MYLK: variants seen among roughly 807,000 people sequenced by gnomAD.
The protein encoded by MYLK is myosin light chain kinase.
Under a neutral mutation model 203.4 loss-of-function variants are expected in MYLK, and 106 were observed. The observed-to-expected ratio is 0.52, with a 90% confidence interval of 0.45 to 0.61. The LOEUF is 0.61. Among genes scored for constraint, MYLK ranks in the 20% least tolerant of loss-of-function variants. The probability of loss-of-function intolerance (pLI) is 0.00; values close to 1 mark genes in which losing one functional copy is unlikely to be tolerated. For synonymous variants in MYLK, 867 were observed against 959.5 expected (o/e 0.90, Z 1.78); for missense variants, 2,072 against 2,442.3 (o/e 0.85, Z 3.20).
At chr3:123,727,709 A>T (rs1665925669) in intron 11 of MYLK, among the ~76,000 whole-genome samples, 1 of 152,118 alleles carries the variant, frequency 6.6e-6, no homozygotes, top group African/African-American at 2.4e-5. Context: ...TCTCAAGTGG[A>T]AGGAAGATTT....
intron 16 of MYLK, 103 bp downstream of exon 16, chr3:123,707,651 C>T (rs1469145406): frequency 3.8e-6 from 6 of 1,582,754 alleles, no homozygotes; most frequent in Admixed American, 1.7e-5. Context: ...AAGTCCAAGC[C>T]CCACATCAGT....
rs148659143 is a variant in MYLK, at chr3:123,663,270, A to G, written c.3985+835T>C. On this transcript the variant is annotated intron_variant, in intron 23 of 33. Coordinates refer to ENST00000360304, the MANE Select transcript of MYLK (RefSeq NM_053025.4). ...GAGAGGAAAAGTGAACTTGAGAATC[A>G]GTCTGGAGACAGACCCCACTCAATC... Among the ~76,000 whole-genome samples the G allele has an allele frequency of 1.6e-3, 245 of 152,294 alleles. 3 individuals are homozygous for G. The East Asian group carries it at 0.035, about 22-fold the overall frequency.
intron 6 of MYLK, among the ~76,000 whole-genome samples, chr3:123,739,356 C>A (rs1234110203): frequency 1.3e-5 from 2 of 152,230 alleles, no homozygotes; most frequent in Admixed American, 6.5e-5. Context: ...AGCCAGGAGA[C>A]CATGAGCAGA....
At chr3:123,724,436 T>C (rs1210082530) in intron 12 of MYLK, among the ~76,000 whole-genome samples, 2 of 152,180 alleles carry the variant, frequency 1.3e-5, no homozygotes, top group Non-Finnish European at 1.5e-5. Context: ...AACGCCCATA[T>C]TGCATTCCAG....
chr3:123,699,903 C>T (rs183909302), intron 18 of MYLK, 117 bp downstream of exon 18: 2 of 1,407,336 alleles, frequency 1.4e-6, no homozygotes, highest in African/African-American at 2.9e-5. Flanking sequence ...ACCTGCTAAA[C>T]CAGGTTAGCA....
intron 29 of MYLK, among the ~76,000 whole-genome samples, chr3:123,631,873 CTTT>C (rs11391919): frequency 7.1e-6 from 1 of 140,340 alleles, no homozygotes. Flanking sequence ...TCTCCTTTTT[CTTT>C]TTTTTTTTTT....
chr3:123,668,552 G>A (rs931540919), intron 20 of MYLK, among the ~76,000 whole-genome samples: 2 of 152,184 alleles, frequency 1.3e-5, no homozygotes, highest in Non-Finnish European at 2.9e-5. Flanking sequence ...GAAATGTTCT[G>A]TGGTGACAGA....
intron 2 of MYLK, among the ~76,000 whole-genome samples, chr3:123,851,879 GT>G (rs1319024790): frequency 5.3e-5 from 8 of 152,074 alleles, no homozygotes; most frequent in Non-Finnish European, 8.8e-5. Flanking sequence ...TTGGCTGTGG[GT>G]TTGTCATAAA....
intron 11 of MYLK, among the ~76,000 whole-genome samples, chr3:123,732,461 G>A (rs2062515385): frequency 6.6e-6 from 1 of 152,176 alleles, no homozygotes; most frequent in Admixed American, 6.5e-5. Flanking sequence ...GTTATATATT[G>A]TTTAAATTCC....
chr3:123,833,142 T>C lies in MYLK; in HGVS notation c.-126-1472A>G, dbSNP rs76098569. On this transcript the variant is annotated intron_variant, in intron 2 of 33. Coordinates refer to ENST00000360304, the MANE Select transcript of MYLK (RefSeq NM_053025.4). ...ACAGGAAGTGTCAGCAGAAAGTTCA[T>C]TTCAGGAATGCCAGCCTTGTCTGCA... 6.7e-3 allele frequency among the ~76,000 whole-genome samples: 1,027 copies of C among 152,182 alleles called. 10 individuals are homozygous for C. The highest frequency in any genetic ancestry group is 0.021 in the African/African-American group (875 of 41,518).
At chr3:123,804,806 C>T (rs747340043) in intron 3 of MYLK, among the ~76,000 whole-genome samples, 5 of 152,130 alleles carry the variant, frequency 3.3e-5, no homozygotes, top group Non-Finnish European at 2.9e-5. Flanking sequence ...GCCTGTTTCC[C>T]CTGAGAAAAC....
At chr3:123,639,082 G>T (rs2058742278) in intron 28 of MYLK, 2 of 985,018 alleles carry the variant, frequency 2.0e-6, no homozygotes, top group South Asian at 9.4e-5. Flanking sequence ...TCCCTCACCA[G>T]TGGAAGCTGG....
Position 123,657,273 on chromosome 3 carries a change from G to T in MYLK, c.4141C>A (p.Leu1381Ile). 6 of 1,614,142 alleles carry T rather than the reference G, an allele frequency of 3.7e-6. No homozygotes were observed. Among genetic ancestry groups the T allele is most frequent in the Non-Finnish European group, 5.1e-6 (6 of 1,180,032 alleles). The stretch of plus-strand genomic sequence containing the variant: ...AAAGAGGTGCTGCGGCATGTGGCTA[G>T]TTCCTTCCACGTCTTGTTGGCTGAG... ...WDSANKTWKE[L>I]ATCRSTSFNV... The change falls in exon 24 of 34, where the codon CTA becomes ATA. Residue 1381 changes from leucine (L) to isoleucine (I), a missense_variant. Around this residue, in one of 3 missense-constraint regions of MYLK, gnomAD observed 524 missense variants for 782.4 expected, o/e 0.67. Coordinates refer to ENST00000360304, the MANE Select transcript of MYLK (RefSeq NM_053025.4).
At chr3:123,622,158 A>G (rs968782391) in intron 31 of MYLK, 2 of 152,330 alleles carry the variant, frequency 1.3e-5, no homozygotes, top group African/African-American at 4.8e-5. Flanking sequence ...CTGCTTCCTA[A>G]TCAACCCGAT....
rs778316876 is a variant in MYLK, at chr3:123,657,424, C to T, written c.3990G>A (p.Lys1330=). Residue 1330 remains lysine (K), a synonymous_variant, in exon 24 of 34, where the codon AAG becomes AAA. Transcript: ENST00000360304. ...AAGGTGTGCCAGCTGGGGGGTCTGG[C>T]TTATCTGGGGATAAAGAAGCACAAC... is the stretch of plus-strand genomic sequence containing the variant. ...QAQVNLTVVD[K]PDPPAGTPCA... is the part of the protein sequence containing the mutation. 1.2e-6 allele frequency: 2 copies of T among 1,613,182 alleles called. No individual in the cohort carries two copies. The highest frequency in any genetic ancestry group is 1.7e-6 in the Non-Finnish European group (2 of 1,179,986).
At chr3:123,645,595 C>CT (rs1217545163) in intron 27 of MYLK, among the ~76,000 whole-genome samples, 1 of 152,200 alleles carries the variant, frequency 6.6e-6, no homozygotes, top group African/African-American at 2.4e-5. Context: ...TGTGCATACC[C>CT]TTTAACCCAG....
At position 123,827,642 on chromosome 3, in the gene MYLK, C is replaced by T. The variant is rs563678858; in HGVS notation, c.-4+3906G>A. On this transcript the variant is annotated intron_variant, in intron 3 of 33. Coordinates refer to ENST00000360304, the MANE Select transcript of MYLK (RefSeq NM_053025.4). ...ATTCATCACCACTAAACTGGCCTTA[C>T]AAGAAATGCTCAAGGGATTCTTACA... 1.5e-4 allele frequency among the ~76,000 whole-genome samples: 20 copies of T among 133,872 alleles called. 1 individual carries two copies. In the South Asian group the frequency reaches 4.8e-3, roughly 32 times the overall value. 87.8% of individuals were successfully genotyped at this position (133,872 alleles called of 152,430 possible).
intron 3 of MYLK, among the ~76,000 whole-genome samples, chr3:123,804,841 C>A (rs1174108612): frequency 2.6e-5 from 4 of 152,144 alleles, no homozygotes; most frequent in African/African-American, 9.7e-5. Context: ...TCAACTAACA[C>A]CTGACTGATT....
intron 24 of MYLK, among the ~76,000 whole-genome samples, chr3:123,655,484 C>G (rs1481519691): frequency 6.6e-6 from 1 of 152,248 alleles, no homozygotes; most frequent in Non-Finnish European, 1.5e-5. Flanking sequence ...AAACCTTTCT[C>G]CTGGGCTCTA....
Sources: gnomAD v4.1 joint callset for allele counts (sites outside exome capture counted in the v4.1 genomes callset) on GRCh38, gnomAD v4.1.1 for gene constraint, gnomAD v4.1.1 regional missense constraint, MANE v1.5 for transcripts, NCBI Gene and HGNC (gene_info 2026-07-23, HGNC 2026-07-21) for gene names.